RNLS: variants seen among roughly 807,000 people sequenced by gnomAD.
RNLS encodes renalase, FAD dependent amine oxidase.
A neutral mutation model predicts 39.8 loss-of-function variants in RNLS; 39 were observed. The observed-to-expected ratio is 0.98, with a 90% CI of 0.76 to 1.28. RNLS has a LOEUF of 1.28. Ranked by LOEUF, RNLS falls within the 50% of genes most tolerant of loss-of-function variation. RNLS has a pLI of 0.00. For missense variants in RNLS, 410 were observed against 413.3 expected (o/e 0.99, Z 0.07); for synonymous variants, 147 against 150.7 (o/e 0.98, Z 0.18).
chr10:88,201,935 A>G, the RNLS span, among the ~76,000 whole-genome samples: 5 of 152,124 alleles, frequency 3.3e-5, no homozygotes, highest in African/African-American at 9.7e-5. Flanking sequence ...TTAAGAAGAT[A>G]TTTATTACTG....
intron 4 of RNLS, among the ~76,000 whole-genome samples, chr10:88,455,340 A>G (rs2069367679): frequency 6.6e-6 from 1 of 152,244 alleles, no homozygotes; most frequent in South Asian, 2.1e-4. Context: ...TAGTTCAGAT[A>G]TTTAAAAACC....
chr10:88,356,023 G>A (rs746121517), intron 5 of RNLS, among the ~76,000 whole-genome samples: 24 of 152,344 alleles, frequency 1.6e-4, no homozygotes, highest in South Asian at 4.1e-4. Flanking sequence ...TGATCCTTGC[G>A]CGGGATATAA....
chr10:88,576,687 C>G (rs1271096359), intron 3 of RNLS, among the ~76,000 whole-genome samples: 1 of 152,118 alleles, frequency 6.6e-6, no homozygotes, highest in African/African-American at 2.4e-5. Flanking sequence ...ACCACCCAGA[C>G]TCACTTCCCC....
rs1249001051 is a variant in RNLS at position 88,572,884 on chromosome 10, A to C, written c.526+19T>G. On this transcript the variant is annotated intron_variant, in intron 4 of 6. Transcript: ENST00000331772. ...AAATCCCATTCCCTGAGGCAGGTAA[A>C]TGGCAAAAGCAGACTCACAGGTGGT... 28 of 1,610,282 alleles carry C rather than the reference A, an allele frequency of 1.7e-5. No individual in the cohort carries two copies. Among genetic ancestry groups the C allele is most frequent in the Non-Finnish European group, 2.3e-5 (27 of 1,177,376 alleles).
chr10:88,488,879 T>C (rs1236747251), intron 4 of RNLS, among the ~76,000 whole-genome samples: 2 of 152,216 alleles, frequency 1.3e-5, no homozygotes, highest in East Asian at 1.9e-4. Context: ...ATGAAATGTA[T>C]GCATCTGAAT....
chr10:88,506,989 T>G (rs1297726421), intron 4 of RNLS, among the ~76,000 whole-genome samples: 14 of 150,344 alleles, frequency 9.3e-5, no homozygotes, highest in Non-Finnish European at 1.5e-4. Flanking sequence ...GCACTTCCAG[T>G]TTTCCCTTCA....
At chr10:88,542,089 C>T (rs1033003545) in intron 4 of RNLS, among the ~76,000 whole-genome samples, 4 of 152,102 alleles carry the variant, frequency 2.6e-5, no homozygotes, top group Admixed American at 1.3e-4. Context: ...TTAATTATAT[C>T]TCTTGTTTTA....
At chr10:88,349,432 G>C (rs1025321814) in intron 5 of RNLS, among the ~76,000 whole-genome samples, 1 of 152,010 alleles carries the variant, frequency 6.6e-6, no homozygotes, top group African/African-American at 2.4e-5. Context: ...TACAAAATGG[G>C]CTGGGTTATT....
At chr10:88,246,186 G>C in the RNLS span, among the ~76,000 whole-genome samples, 3 of 152,136 alleles carry the variant, frequency 2.0e-5, no homozygotes, top group African/African-American at 7.2e-5. Flanking sequence ...GTCAGAACCT[G>C]GATTTGAGAC....
the RNLS span, among the ~76,000 whole-genome samples, chr10:88,205,156 G>C: frequency 3.0e-4 from 45 of 152,220 alleles, no homozygotes; most frequent in African/African-American, 1.0e-3. Context: ...ACAAGTGGCA[G>C]GGCTACTATT....
At chr10:88,546,409 T>C (rs1211263920) in intron 4 of RNLS, among the ~76,000 whole-genome samples, 2 of 152,088 alleles carry the variant, frequency 1.3e-5, no homozygotes, top group African/African-American at 2.4e-5. Context: ...ATGAAAAATA[T>C]AAAATTGTAA....
At chr10:88,244,691 C>CTT in the RNLS span, among the ~76,000 whole-genome samples, 10 of 126,478 alleles carry the variant, frequency 7.9e-5, no homozygotes, top group East Asian at 6.1e-4. Context: ...GGTTTTCATG[C>CTT]TTTTTTTTTT....
rs1271854935 is a variant in RNLS, at chr10:88,572,984, CTGTT to C, written c.441_444del (p.Thr148AlafsTer28). ...ATAAGATCAAACTGCTCAGGGGAGC[CTGTT>C]TGTTTGGATACTTCCCATTTGTCAT... On this transcript the variant is annotated frameshift_variant, in exon 4 of 7. Transcript: ENST00000331772. LOFTEE classifies it high-confidence loss of function. The C allele has an allele frequency of 2.5e-6, 4 of 1,613,938 alleles. No homozygotes were observed. Among genetic ancestry groups the C allele is most frequent in the Admixed American group, 3.3e-5 (2 of 59,978 alleles).
At chr10:88,293,382 T>C (rs894608610) in intron 6 of RNLS, among the ~76,000 whole-genome samples, 2 of 152,188 alleles carry the variant, frequency 1.3e-5, no homozygotes, top group Admixed American at 1.3e-4. Context: ...ACAGCAGAAA[T>C]TGAATATTTG....
Position 88,495,916 on chromosome 10 carries a change from A to T in RNLS, c.526+76987T>A, listed in dbSNP as rs115618916. Among the ~76,000 whole-genome samples, 490 of 152,282 alleles carry T rather than the reference A, an allele frequency of 3.2e-3. 3 individuals are homozygous for T. The highest frequency in any genetic ancestry group is 0.011 in the African/African-American group (464 of 41,570). ...CTTCAAGTGGGAATTTTGAAAGAAAAAAAGACAGAACATATTTGAAAAACT... is the reference window on the plus strand; with the variant it reads ...CTTCAAGTGGGAATTTTGAAAGAAATAAAGACAGAACATATTTGAAAAACT... On this transcript the variant is annotated intron_variant, in intron 4 of 6. Coordinates refer to ENST00000331772, the MANE Select transcript of RNLS (RefSeq NM_001031709.3).
chr10:88,354,611 A>T (rs1284089357), intron 5 of RNLS, among the ~76,000 whole-genome samples: 2 of 152,140 alleles, frequency 1.3e-5, no homozygotes, highest in East Asian at 1.9e-4. Flanking sequence ...CTTCCCCTTG[A>T]GGGTAACCGG....
At chr10:88,526,050 C>G (rs1052111802) in intron 4 of RNLS, among the ~76,000 whole-genome samples, 17 of 152,154 alleles carry the variant, frequency 1.1e-4, no homozygotes, top group African/African-American at 3.6e-4. Context: ...TCCAGCAAAG[C>G]TGCAACTTAA....
intron 5 of RNLS, among the ~76,000 whole-genome samples, chr10:88,339,110 A>G (rs558424031): frequency 6.6e-6 from 1 of 152,258 alleles, no homozygotes; most frequent in South Asian, 2.1e-4. Flanking sequence ...TGGATGGTAG[A>G]CATGGTGGTG....
intron 5 of RNLS, among the ~76,000 whole-genome samples, chr10:88,330,804 T>C (rs868147026): frequency 6.6e-6 from 1 of 152,148 alleles, no homozygotes; most frequent in African/African-American, 2.4e-5. Context: ...ACAATAATAA[T>C]ATTTAAAATT....
Sources: allele counts gnomAD v4.1 joint callset (sites outside exome capture counted in the v4.1 genomes callset), GRCh38; gene constraint gnomAD v4.1.1; transcripts MANE v1.5; gene names NCBI Gene and HGNC (gene_info 2026-07-23, HGNC 2026-07-21).